Variants in UACA observed in about 807,000 individuals in gnomAD.
The protein encoded by UACA is nuclear membrane binding protein.
In UACA, 112 loss-of-function variants were observed where a neutral mutation model predicts 160.5. The observed-to-expected ratio is 0.70, with a 90% CI of 0.60 to 0.82. The LOEUF (loss-of-function observed/expected upper bound fraction) is 0.82, where lower values mean the gene tolerates loss of function less well. UACA is among the 40% of genes least tolerant of loss of function. The pLI is 0.00. For synonymous variants in UACA, 557 were observed against 568.4 expected, an observed-to-expected ratio of 0.98 and a Z score of 0.29; for missense variants, 1,574 against 1,614.6, an observed-to-expected ratio of 0.97 and a Z score of 0.43.
intron 1 of UACA, chr15:70,702,293 C>T (rs765533145): frequency 3.0e-6 from 3 of 1,014,960 alleles, no homozygotes; most frequent in African/African-American, 1.7e-5. Flanking sequence ...GCAACACAGA[C>T]GCTGCAGTGC....
rs753312514 is a variant in UACA at position 70,762,658 on chromosome 15, C to T, written c.78+672G>A. 5.3e-5 allele frequency among the ~76,000 whole-genome samples: 8 copies of T among 152,226 alleles called. No individual in the cohort carries two copies. In the South Asian group the frequency reaches 1.2e-3, roughly 24 times the overall value. ...CCACAGGTGCGATTTACACAACCCACATCACCACCACCCCTCCCAACTTCA... is the reference window on the plus strand; with the variant it reads ...CCACAGGTGCGATTTACACAACCCATATCACCACCACCCCTCCCAACTTCA... On this transcript the variant is annotated intron_variant, in intron 1 of 18. Transcript: ENST00000322954.
At chr15:70,716,752 A>G (rs1898832623) in intron 1 of UACA, among the ~76,000 whole-genome samples, 1 of 152,220 alleles carries the variant, frequency 6.6e-6, no homozygotes, top group African/African-American at 2.4e-5. Flanking sequence ...TTTATTAGAA[A>G]AAGTATTTTT....
chr15:70,667,356 GT>G lies in UACA; in HGVS notation c.3327del (p.Lys1109AsnfsTer12). ...EILAVQNLLQKQHVPLEQVEA... is the reference protein window; with the variant it reads ...EILAVQNLLQXQHVPLEQVEA... ...TCAACCTGTTCCAATGGAACATGTT[GT>G]TTTTGCAAAAGATTTTGCACTGCAA... On this transcript the variant is annotated frameshift_variant, in exon 16 of 19. Coordinates refer to ENST00000322954, the MANE Select transcript of UACA (RefSeq NM_018003.4). LOFTEE classifies it high-confidence loss of function. 1 of 1,612,944 alleles carries G rather than the reference GT, an allele frequency of 6.2e-7. No homozygotes were observed. The highest frequency in any genetic ancestry group is 8.5e-7 in the Non-Finnish European group (1 of 1,179,860).
intron 1 of UACA, among the ~76,000 whole-genome samples, chr15:70,700,322 C>T (rs866365496): frequency 0.017 from 2,038 of 117,296 alleles, 52 homozygotes; most frequent in African/African-American, 0.077. Flanking sequence ...TATATATACA[C>T]ACACACACAC....
At chr15:70,679,697 A>C in intron 9 of UACA, 21 bp from the exon 10 acceptor site, 2 of 1,527,578 alleles carry the variant, frequency 1.3e-6, no homozygotes, top group South Asian at 2.4e-5. Flanking sequence ...ACATAAGAAA[A>C]CACGGGTCAG....
chr15:70,772,492 C>CAAAAAAAA, the UACA span, among the ~76,000 whole-genome samples: 5 of 49,572 alleles, frequency 1.0e-4, no homozygotes, highest in Non-Finnish European at 1.8e-4. Flanking sequence ...GCCTCCATCT[C>CAAAAAAAA]AAAAAAAAAA....
intron 2 of UACA, among the ~76,000 whole-genome samples, chr15:70,695,619 A>C (rs1898101081): frequency 1.3e-5 from 2 of 152,312 alleles, no homozygotes; most frequent in Admixed American, 1.3e-4. Context: ...TTAAAATCAC[A>C]AAAGAATCAG....
the UACA span, among the ~76,000 whole-genome samples, chr15:70,777,662 TGCATTTA>T: frequency 6.6e-6 from 1 of 152,166 alleles, no homozygotes; most frequent in Admixed American, 6.5e-5. Context: ...AAATTACCAT[TGCATTTA>T]GCATGATGGA....
At chr15:70,709,699 T>C (rs958959853) in intron 1 of UACA, among the ~76,000 whole-genome samples, 2 of 152,212 alleles carry the variant, frequency 1.3e-5, no homozygotes, top group African/African-American at 4.8e-5. Flanking sequence ...ATTAATTTAT[T>C]CAATATTTAA....
chr15:70,775,594 G>A, the UACA span, among the ~76,000 whole-genome samples: 1 of 152,122 alleles, frequency 6.6e-6, no homozygotes, highest in Non-Finnish European at 1.5e-5. Flanking sequence ...AGACCATCTT[G>A]TTTCAGTCTT....
chr15:70,763,320 C>A lies in UACA; in HGVS notation c.78+10G>T. ...GCGGAGCGCCTCGCAGCCCGGACCG[C>A]GGGACTCACCGCGCTGGCGGCGGCG... On this transcript the variant is annotated intron_variant, in intron 1 of 18. Coordinates refer to ENST00000322954, the MANE Select transcript of UACA (RefSeq NM_018003.4). 7.5e-7 allele frequency: 1 copy of A among 1,332,954 alleles called. No individual in the cohort carries two copies. 82.6% of individuals were successfully genotyped at this position (1,332,954 alleles called of 1,614,324 possible). A position where few individuals can be genotyped will look rare whatever the true frequency, so the allele number is the denominator to read the frequency against.
intron 1 of UACA, among the ~76,000 whole-genome samples, chr15:70,716,641 A>G (rs1053005235): frequency 5.3e-5 from 8 of 152,154 alleles, no homozygotes; most frequent in African/African-American, 1.7e-4. Flanking sequence ...TTTTTTATCC[A>G]TTATCTAAAA....
chr15:70,763,510 C>G lies in UACA; in HGVS notation c.-103G>C. ...TGCAGCAGAGGCGGCGCGGGCTGTA[C>G]CAGCCCCACCTGCCTGCCACCTGCG... On this transcript the variant is annotated 5_prime_UTR_variant, in exon 1 of 19. Coordinates refer to ENST00000322954, the MANE Select transcript of UACA (RefSeq NM_018003.4). 8.0e-7 allele frequency: 1 copy of G among 1,250,072 alleles called. No homozygotes were observed. Among genetic ancestry groups the G allele is most frequent in the Non-Finnish European group, 1.0e-6 (1 of 991,672 alleles). The allele number at this position is 1,250,072 out of a possible 1,614,324, so 77.4% of individuals were successfully genotyped here.
In UACA at chr15:70,699,630, G is replaced by A. The variant is rs1292585112; in HGVS notation, c.109C>T (p.Arg37Ter). ...HAADWNKYDD[R>*]LMKAAERGDV... ...CCCCTTTCTGCTGCTTTCATCAATC[G>A]GTCATCATATTTATTCCAATCTGCT... is the stretch of plus-strand genomic sequence containing the variant. The change falls in exon 2 of 19, where the codon CGA (arginine) becomes TGA (stop). Residue 37 changes from arginine (R) to a stop codon, truncating the protein, a stop_gained. Transcript: ENST00000322954. LOFTEE classifies it high-confidence loss of function. The A allele has an allele frequency of 5.0e-6, 8 of 1,608,390 alleles. No individual in the cohort carries two copies. Among genetic ancestry groups the A allele is most frequent in the South Asian group, 1.1e-5 (1 of 90,764 alleles).
chr15:70,748,456 G>C (rs1236894746), intron 1 of UACA, among the ~76,000 whole-genome samples: 2 of 152,030 alleles, frequency 1.3e-5, no homozygotes, highest in African/African-American at 4.8e-5. Flanking sequence ...TGAAGCCTGG[G>C]GCATGAAGTT....
At chr15:70,669,743 T>A (rs1897073247) in intron 15 of UACA, among the ~76,000 whole-genome samples, 1 of 152,182 alleles carries the variant, frequency 6.6e-6, no homozygotes, top group African/African-American at 2.4e-5. Flanking sequence ...GGGTGCTATT[T>A]TGTCTTTCTT....
intron 1 of UACA, among the ~76,000 whole-genome samples, chr15:70,755,369 T>TA (rs879376258): frequency 2.8e-4 from 41 of 144,924 alleles, no homozygotes; most frequent in South Asian, 6.6e-4. Context: ...ATTCAAGGTT[T>TA]AAAAAAAAAA....
In UACA at chr15:70,656,531, C is replaced by T. The variant is rs950419321; in HGVS notation, c.*525G>A. The T allele has an allele frequency of 6.6e-6, 1 of 151,786 alleles. No homozygotes were observed. Among genetic ancestry groups the T allele is most frequent in the Non-Finnish European group, 1.5e-5 (1 of 67,942 alleles). 9.4% of individuals were successfully genotyped at this position (151,786 alleles called of 1,614,324 possible). A position where few individuals can be genotyped will look rare whatever the true frequency, so the allele number is the denominator to read the frequency against. The stretch of plus-strand genomic sequence containing the variant: ...GTGTAAAAAGAAAAAATATCTATAC[C>T]TACAAAAAAGGCCAAAGACACTAAT... On this transcript the variant is annotated 3_prime_UTR_variant, in exon 19 of 19. Transcript: ENST00000322954.
At chr15:70,724,173 T>C (rs1162549741) in intron 1 of UACA, among the ~76,000 whole-genome samples, 1 of 152,246 alleles carries the variant, frequency 6.6e-6, no homozygotes, top group African/African-American at 2.4e-5. Flanking sequence ...CACTTAAGTA[T>C]CTGTTGAGCA....
Sources: gnomAD v4.1 joint callset for allele counts (sites outside exome capture counted in the v4.1 genomes callset) on GRCh38, gnomAD v4.1.1 for gene constraint, MANE v1.5 for transcripts, NCBI Gene and HGNC (gene_info 2026-07-23, HGNC 2026-07-21) for gene names.